The following DCUN1D3 variants were observed in gnomAD, a reference collection of about 807,000 sequenced individuals.
DCUN1D3 encodes DCN1-like protein 3.
Under a neutral mutation model 24.8 loss-of-function variants are expected in DCUN1D3, and 6 were observed. The observed-to-expected ratio is 0.24, with a 90% CI of 0.13 to 0.48. DCUN1D3 has a LOEUF of 0.48. Among genes scored for constraint, DCUN1D3 ranks in the 20% least tolerant of loss-of-function variants. The pLI is 0.99. For missense variants in DCUN1D3, 258 were observed against 379.4 expected (o/e 0.68, Z 2.66); for synonymous variants, 120 against 144.9 (o/e 0.83, Z 1.24).
intron 1 of DCUN1D3, among the ~76,000 whole-genome samples, chr16:20,883,007 G>A (rs1396926392): frequency 6.6e-6 from 1 of 152,150 alleles, no homozygotes; most frequent in African/African-American, 2.4e-5. Context: ...AAATGCTTGA[G>A]ACCAGAAGTG....
intron 1 of DCUN1D3, among the ~76,000 whole-genome samples, chr16:20,880,604 C>CAAAAAA (rs34275241): frequency 5.4e-4 from 28 of 51,930 alleles, no homozygotes; most frequent in African/African-American, 1.4e-3. Flanking sequence ...GACCCTGTCT[C>CAAAAAA]AAAAAAAAAA....
rs151310036 is a variant in DCUN1D3 at position 20,877,411 on chromosome 16, A to T, written c.-105-14768T>A. On this transcript the variant is annotated intron_variant, in intron 1 of 2. Coordinates refer to ENST00000324344, the MANE Select transcript of DCUN1D3 (RefSeq NM_173475.4). ...TGTTTTACTTCTTCACGGCACTTAC[A>T]ACTCTGTGAAATTCTAATTTGCTGA... Among the ~76,000 whole-genome samples the T allele has an allele frequency of 3.3e-4, 50 of 152,268 alleles. No homozygotes were observed. In the East Asian group the frequency reaches 8.7e-3, roughly 27 times the overall value.
intron 1 of DCUN1D3, among the ~76,000 whole-genome samples, chr16:20,898,180 T>C (rs144000464): frequency 3.3e-5 from 5 of 152,348 alleles, no homozygotes; most frequent in Admixed American, 6.5e-5. Context: ...TGGAAGGATC[T>C]TCCCCTTTTC....
At chr16:20,878,805 A>T (rs2081828611) in intron 1 of DCUN1D3, among the ~76,000 whole-genome samples, 1 of 152,224 alleles carries the variant, frequency 6.6e-6, no homozygotes, top group Non-Finnish European at 1.5e-5. Flanking sequence ...GGTAAGTGAT[A>T]CAGACAATAA....
Position 20,862,309 on chromosome 16 carries a change from C to G in DCUN1D3, c.230G>C (p.Arg77Thr). ...QLPTSSGDAG[R>T]ESKSNAEESS... ...CTCCTCGGCATTGGACTTGGACTCC[C>G]TCCCAGCATCTCCCGAGGACGTTGG... The change falls in exon 2 of 3, where the codon AGG becomes ACG. Residue 77 changes from arginine (R) to threonine (T), a missense_variant. Arg to Thr is a moderately conservative substitution (Grantham distance 71, BLOSUM62 -1). Transcript: ENST00000324344. The G allele has an allele frequency of 6.2e-7, 1 of 1,614,232 alleles. No individual in the cohort carries two copies. Among genetic ancestry groups the G allele is most frequent in the Non-Finnish European group, 8.5e-7 (1 of 1,180,036 alleles).
Position 20,867,260 on chromosome 16 carries a change from A to G in DCUN1D3, c.-105-4617T>C, listed in dbSNP as rs575206158. 6.6e-5 allele frequency among the ~76,000 whole-genome samples: 10 copies of G among 152,226 alleles called. 1 individual carries two copies. The South Asian group carries it at 2.1e-3, about 32-fold the overall frequency. On this transcript the variant is annotated intron_variant, in intron 1 of 2. Coordinates refer to ENST00000324344, the MANE Select transcript of DCUN1D3 (RefSeq NM_173475.4). ...GCAAAGCATCTAGAGAGAACACATG[A>G]CGGACCGGCCCCAAGTTCAGGAGTG...
intron 1 of DCUN1D3, among the ~76,000 whole-genome samples, chr16:20,876,951 G>T (rs1156482611): frequency 6.6e-6 from 1 of 152,176 alleles, no homozygotes; most frequent in African/African-American, 2.4e-5. Context: ...CAGAGGCAGG[G>T]AAGGGGAGCG....
intron 1 of DCUN1D3, among the ~76,000 whole-genome samples, chr16:20,871,162 T>C (rs2081786390): frequency 6.6e-6 from 1 of 152,242 alleles, no homozygotes. Context: ...GATTAGGTCT[T>C]ACCCAGAGCT....
chr16:20,871,745 A>C (rs2081789366), intron 1 of DCUN1D3, among the ~76,000 whole-genome samples: 1 of 152,242 alleles, frequency 6.6e-6, no homozygotes, highest in African/African-American at 2.4e-5. Flanking sequence ...ATAACCAAAA[A>C]AGGGCTATAT....
At chr16:20,867,687 C>A (rs1416234857) in intron 1 of DCUN1D3, among the ~76,000 whole-genome samples, 1 of 152,162 alleles carries the variant, frequency 6.6e-6, no homozygotes, top group African/African-American at 2.4e-5. Flanking sequence ...GTTACTGTAT[C>A]AGTAGTAGTA....
chr16:20,867,891 C>A (rs1226264214), intron 1 of DCUN1D3, among the ~76,000 whole-genome samples: 1 of 152,178 alleles, frequency 6.6e-6, no homozygotes, highest in Non-Finnish European at 1.5e-5. Context: ...CACCACTACC[C>A]AGTAATGCTT....
intron 1 of DCUN1D3, chr16:20,899,747 G>A (rs1018563825): frequency 2.0e-5 from 3 of 152,234 alleles, no homozygotes; most frequent in African/African-American, 7.2e-5. Flanking sequence ...TTATAGCAAA[G>A]GTGCACAAAA....
At chr16:20,867,644 A>G (rs1229450143) in intron 1 of DCUN1D3, among the ~76,000 whole-genome samples, 1 of 152,228 alleles carries the variant, frequency 6.6e-6, no homozygotes, top group African/African-American at 2.4e-5. Context: ...TTAAAGGTAC[A>G]TGGCTTCAGA....
At chr16:20,869,422 T>C (rs541320668) in intron 1 of DCUN1D3, among the ~76,000 whole-genome samples, 116 of 152,214 alleles carry the variant, frequency 7.6e-4, no homozygotes, top group Non-Finnish European at 1.3e-3. Context: ...ACATGCTTCA[T>C]ATTCATCATC....
intron 2 of DCUN1D3, 101 bp downstream of exon 2, chr16:20,862,007 C>G (rs2081735968): frequency 1.5e-6 from 2 of 1,317,922 alleles, no homozygotes; most frequent in Non-Finnish European, 2.1e-6. Flanking sequence ...ACCCAAAACC[C>G]TATGAAGCCA....
intron 1 of DCUN1D3, among the ~76,000 whole-genome samples, chr16:20,895,647 G>A (rs1044476984): frequency 7.2e-5 from 11 of 152,142 alleles, no homozygotes; most frequent in African/African-American, 1.9e-4. Context: ...CTGATTAAAC[G>A]GTCAAGTTCT....
At chr16:20,876,698 C>G (rs2081817426) in intron 1 of DCUN1D3, among the ~76,000 whole-genome samples, 1 of 152,126 alleles carries the variant, frequency 6.6e-6, no homozygotes, top group Non-Finnish European at 1.5e-5. Context: ...ATGGAATCCA[C>G]CTGAGTGCCC....
intron 1 of DCUN1D3, among the ~76,000 whole-genome samples, chr16:20,880,867 T>A (rs1244771735): frequency 1.3e-5 from 2 of 152,006 alleles, no homozygotes; most frequent in Non-Finnish European, 2.9e-5. Context: ...ACAATCCAAC[T>A]CTCCAATAAT....
At position 20,856,459 on chromosome 16, in the gene DCUN1D3, C is replaced by T. The variant is rs1035313225; in HGVS notation, c.*3427G>A. On this transcript the variant is annotated 3_prime_UTR_variant, in exon 3 of 3. Transcript: ENST00000324344. The stretch of plus-strand genomic sequence containing the variant: ...AATCCTTTCTCCCTTTCCAAAAAGA[C>T]TAGTTTGTGCTTTCCTTGGGGAAGT... 1 of 152,200 alleles carries T rather than the reference C, an allele frequency of 6.6e-6. No individual in the cohort carries two copies. Among genetic ancestry groups the T allele is most frequent in the African/African-American group, 2.4e-5 (1 of 41,440 alleles). 9.4% of individuals were successfully genotyped at this position (152,200 alleles called of 1,614,324 possible). A position where few individuals can be genotyped will look rare whatever the true frequency, so the allele number is the denominator to read the frequency against.
Sources: gnomAD v4.1 joint callset for allele counts (sites outside exome capture counted in the v4.1 genomes callset) on GRCh38, gnomAD v4.1.1 for gene constraint, MANE v1.5 for transcripts, NCBI Gene and HGNC (gene_info 2026-07-23, HGNC 2026-07-21) for gene names.